Variants in ARFGEF1 observed in about 807,000 individuals in gnomAD.
ARFGEF1 encodes the protein brefeldin A-inhibited guanine nucleotide-exchange protein 1.
Under a neutral mutation model 231.0 loss-of-function variants are expected in ARFGEF1, and 42 were observed. The ratio of observed to expected loss-of-function variants is 0.18; its 90% CI spans 0.14 to 0.24. ARFGEF1 has a LOEUF of 0.24. ARFGEF1 is among the 10% of genes least tolerant of loss of function. The pLI is 1.00. For synonymous variants in ARFGEF1, 710 were observed against 732.3 expected, an observed-to-expected ratio of 0.97 and a Z score of 0.49; for missense variants, 1,345 against 2,192.0, an observed-to-expected ratio of 0.61 and a Z score of 7.72.
At position 67,307,825 on chromosome 8, in the gene ARFGEF1, C is replaced by T. The variant is rs75842120; in HGVS notation, c.125-5359G>A. On this transcript the variant is annotated intron_variant, in intron 1 of 38. Transcript: ENST00000262215. The stretch of plus-strand genomic sequence containing the variant: ...CCAGGAGATATTCTAACTCCCCTCC[C>T]CTTAAATCTGGGCTGGCCTTAGAGA... 6.4e-3 allele frequency among the ~76,000 whole-genome samples: 982 copies of T among 152,268 alleles called. 7 individuals are homozygous for T. Among genetic ancestry groups the T allele is most frequent in the African/African-American group, 0.023 (942 of 41,540 alleles).
At chr8:67,341,425 CAAAAA>C (rs1186065653) in intron 1 of ARFGEF1, among the ~76,000 whole-genome samples, 2 of 87,942 alleles carry the variant, frequency 2.3e-5, no homozygotes, top group Non-Finnish European at 2.3e-5. Flanking sequence ...CCATCTCCAC[CAAAAA>C]AAAAAAAAAA....
Position 67,184,819 on chromosome 8 carries a change from G to A in ARFGEF1, c.561-9247C>T, listed in dbSNP as rs189487640. Among the ~76,000 whole-genome samples the A allele has an allele frequency of 1.3e-3, 197 of 149,592 alleles. 1 individual carries two copies. The highest frequency in any genetic ancestry group is 4.7e-3 in the African/African-American group (191 of 41,038). ...GTCCCATGAACGTTAAAAACAGTCG[G>A]CCGGGCACGGTGGCTCAAGCCTGTA... On this transcript the variant is annotated intron_variant, in intron 5 of 5. Transcript: ENST00000518789.
intron 18 of ARFGEF1, among the ~76,000 whole-genome samples, chr8:67,252,059 CAGG>C (rs1360059062): frequency 1.3e-5 from 2 of 152,084 alleles, no homozygotes; most frequent in African/African-American, 4.8e-5. Flanking sequence ...CACCTGAGGT[CAGG>C]AGTTCAAGAC....
Position 67,201,601 on chromosome 8 carries a change from G to A in ARFGEF1, c.5133C>T (p.Phe1711=). Residue 1711 remains phenylalanine, a synonymous_variant, in exon 37 of 39, where the codon TTC becomes TTT. Coordinates refer to ENST00000262215, the MANE Select transcript of ARFGEF1 (RefSeq NM_006421.5). The stretch of plus-strand genomic sequence containing the variant: ...GAAGGTTGGGCTTGGATTTGCCTTT[G>A]AATCCTGCAGAAAAGGGAAGTTTCT... ...EQRTALWKAG[F]KGKSKPNLLK... 6.2e-7 allele frequency: 1 copy of A among 1,613,190 alleles called. No homozygotes were observed. The highest frequency in any genetic ancestry group is 8.5e-7 in the Non-Finnish European group (1 of 1,179,816).
chr8:67,236,690 G>A (rs1243556560), intron 22 of ARFGEF1, among the ~76,000 whole-genome samples: 1 of 152,018 alleles, frequency 6.6e-6, no homozygotes, highest in Non-Finnish European at 1.5e-5. Flanking sequence ...AGAGAATGGT[G>A]CAGACCAAAA....
chr8:67,220,982 C>G (rs1839136502), intron 29 of ARFGEF1, among the ~76,000 whole-genome samples: 1 of 149,754 alleles, frequency 6.7e-6, no homozygotes, highest in Non-Finnish European at 1.5e-5. Context: ...ACATTTCAGT[C>G]AACAATGAAC....
At chr8:67,341,531 A>G (rs944778118) in intron 1 of ARFGEF1, among the ~76,000 whole-genome samples, 6 of 151,506 alleles carry the variant, frequency 4.0e-5, no homozygotes, top group Non-Finnish European at 8.8e-5. Context: ...TGGGAGTTTG[A>G]GGCGGCACTG....
chr8:67,253,598 G>T lies in ARFGEF1; in HGVS notation c.2551C>A (p.Gln851Lys). The T allele has an allele frequency of 6.6e-7, 1 of 1,515,440 alleles. No individual in the cohort carries two copies. The highest frequency in any genetic ancestry group is 8.9e-7 in the Non-Finnish European group (1 of 1,121,870). The allele number at this position is 1,515,440 out of a possible 1,614,324, so 93.9% of individuals were successfully genotyped here. The change falls in exon 18 of 39, where the codon CAA becomes AAA. Residue 851 changes from glutamine (Q) to lysine (K), a missense_variant. Gln to Lys is a moderately conservative substitution (Grantham distance 53, BLOSUM62 1). Coordinates refer to ENST00000262215, the MANE Select transcript of ARFGEF1 (RefSeq NM_006421.5). ...PQVKNKMTKEQYIKMNRGIND... is the reference protein window; with the variant it reads ...PQVKNKMTKEKYIKMNRGIND... Reference sequence around the variant, plus strand: ...ATACCTCTATTCATCTTAATGTATTGTTCCTTTGTCATTTTATTTTTCACC... The same window carrying T: ...ATACCTCTATTCATCTTAATGTATTTTTCCTTTGTCATTTTATTTTTCACC...
At chr8:67,295,590 G>A (rs1017630810) in intron 5 of ARFGEF1, among the ~76,000 whole-genome samples, 2 of 152,130 alleles carry the variant, frequency 1.3e-5, no homozygotes, top group Non-Finnish European at 2.9e-5. Flanking sequence ...GCAAGATCAT[G>A]AAAAAGATAA....
chr8:67,205,837 AAGAG>A (rs1218105406), intron 34 of ARFGEF1, among the ~76,000 whole-genome samples: 1 of 151,914 alleles, frequency 6.6e-6, no homozygotes, highest in Non-Finnish European at 1.5e-5. Flanking sequence ...CAGCCTGGGC[AAGAG>A]AGAGAGACTC....
At chr8:67,248,078 A>G (rs1840160557) in intron 19 of ARFGEF1, among the ~76,000 whole-genome samples, 1 of 150,224 alleles carries the variant, frequency 6.7e-6, no homozygotes, top group Admixed American at 6.6e-5. Flanking sequence ...TAAAATGTCC[A>G]TATTACCCAA....
downstream of ARFGEF1, among the ~76,000 whole-genome samples, chr8:67,196,593 A>C (rs1837985108): frequency 6.6e-6 from 1 of 152,166 alleles, no homozygotes; most frequent in South Asian, 2.1e-4. Flanking sequence ...AATTTGCCAC[A>C]ATTAAATTAC....
chr8:67,181,225 A>T (rs940666452), intron 5 of ARFGEF1, among the ~76,000 whole-genome samples: 1 of 151,128 alleles, frequency 6.6e-6, no homozygotes, highest in Non-Finnish European at 1.5e-5. Flanking sequence ...TTTTGTAGAG[A>T]TGAGGTCTCC....
chr8:67,226,275 T>C (rs1587083485), intron 27 of ARFGEF1, 92 bp from the exon 28 acceptor site: 5 of 1,046,306 alleles, frequency 4.8e-6, no homozygotes, highest in Non-Finnish European at 6.2e-6. Flanking sequence ...ATGCACTTCC[T>C]CTTAAAGGTT....
chr8:67,334,363 A>G (rs1299844510), intron 1 of ARFGEF1, among the ~76,000 whole-genome samples: 9 of 152,076 alleles, frequency 5.9e-5, no homozygotes, highest in African/African-American at 2.2e-4. Context: ...TCTGTACTTC[A>G]AAAAGTTAAC....
downstream of ARFGEF1, chr8:67,193,443 A>G (rs1836985734): frequency 1.2e-6 from 2 of 1,604,084 alleles, no homozygotes; most frequent in Non-Finnish European, 8.5e-7. Flanking sequence ...GACTTTCTGA[A>G]GTTCTGTTTT....
At chr8:67,293,978 A>C (rs927362151) in intron 5 of ARFGEF1, among the ~76,000 whole-genome samples, 2 of 152,118 alleles carry the variant, frequency 1.3e-5, no homozygotes, top group Admixed American at 1.3e-4. Context: ...CATGGGTTCT[A>C]CATCAGTGGA....
At chr8:67,200,267 C>A in intron 38 of ARFGEF1, 129 bp downstream of exon 38, 1 of 748,104 alleles carries the variant, frequency 1.3e-6, no homozygotes, top group Non-Finnish European at 2.4e-6. Flanking sequence ...TGGCTTTGCA[C>A]AAGCAGCAGT....
At chr8:67,307,172 T>G (rs1806785904) in intron 1 of ARFGEF1, among the ~76,000 whole-genome samples, 1 of 152,232 alleles carries the variant, frequency 6.6e-6, no homozygotes, top group African/African-American at 2.4e-5. Context: ...ATATATCAAT[T>G]ACCATAATGC....
Sources: gnomAD v4.1 joint callset for allele counts (sites outside exome capture counted in the v4.1 genomes callset) on GRCh38, gnomAD v4.1.1 for gene constraint, MANE v1.5 for transcripts, NCBI Gene and HGNC (gene_info 2026-07-23, HGNC 2026-07-21) for gene names.